The following PTK2 variants were observed in gnomAD, a reference collection of about 807,000 sequenced individuals.
PTK2 encodes the protein focal adhesion kinase 1.
In PTK2, 45 loss-of-function variants were observed where a neutral mutation model predicts 150.1. The observed-to-expected ratio is 0.30, with a 90% CI of 0.24 to 0.38. PTK2 has a LOEUF of 0.38. Ranked by LOEUF, PTK2 falls within the 10% of genes least tolerant of loss-of-function variation. PTK2 has a pLI of 1.00. For synonymous variants in PTK2, 432 were observed against 449.2 expected (o/e 0.96, Z 0.48); for missense variants, 919 against 1,307.3 (o/e 0.70, Z 4.58).
In PTK2 at chr8:140,789,466, C is replaced by G. The variant is rs751479149; in HGVS notation, c.1177+8G>C. The stretch of plus-strand genomic sequence containing the variant: ...GCTTTTCGAGGTCTGCTACCTAGAG[C>G]CCCTTACCTGACACAGAGACGGCGT... On this transcript the variant is annotated splice_region_variant and intron_variant, in intron 14 of 31. Coordinates refer to ENST00000522684, the Ensembl canonical transcript of PTK2. 3 of 1,613,110 alleles carry G rather than the reference C, an allele frequency of 1.9e-6. No individual in the cohort carries two copies. Among genetic ancestry groups the G allele is most frequent in the Admixed American group, 1.7e-5 (1 of 59,722 alleles).
chr8:140,851,577 G>A (rs182694279), intron 5 of PTK2, among the ~76,000 whole-genome samples: 1 of 152,038 alleles, frequency 6.6e-6, no homozygotes, highest in Non-Finnish European at 1.5e-5. Context: ...TAAATGAAGG[G>A]GCCAGGCATG....
chr8:140,977,380 T>C (rs1193929352), intron 1 of PTK2, among the ~76,000 whole-genome samples: 1 of 152,120 alleles, frequency 6.6e-6, no homozygotes, highest in Non-Finnish European at 1.5e-5. Flanking sequence ...TCCCAGCACT[T>C]TGGGAGGCCA....
chr8:140,793,259 A>G, intron 13 of PTK2, 95 bp downstream of exon 13: 2 of 1,384,434 alleles, frequency 1.4e-6, no homozygotes, highest in Admixed American at 4.5e-5. Flanking sequence ...TGTATATTGA[A>G]TTTAATTTTT....
At chr8:140,706,253 A>C in intron 23 of PTK2, 48 bp from the exon 27 acceptor site, 1 of 1,392,590 alleles carries the variant, frequency 7.2e-7, no homozygotes, top group Non-Finnish European at 1.0e-6. Context: ...TGATTTTGAC[A>C]AACCTGTACT....
rs564097460 is a variant in PTK2, at chr8:140,946,154, A to T, written c.-121-20405T>A. ...CTTGACTGCATGGAAACTAATTGAGAGGCCCTACTTACAGAGCTGTCAGAG... is the reference window on the plus strand; with the variant it reads ...CTTGACTGCATGGAAACTAATTGAGTGGCCCTACTTACAGAGCTGTCAGAG... On this transcript the variant is annotated intron_variant, in intron 1 of 31. Transcript: ENST00000522684. 9.2e-5 allele frequency among the ~76,000 whole-genome samples: 14 copies of T among 152,296 alleles called. No homozygotes were observed. In the South Asian group the frequency reaches 2.9e-3, roughly 32 times the overall value.
intron 12 of PTK2, among the ~76,000 whole-genome samples, chr8:140,795,443 T>C (rs1424863400): frequency 6.6e-6 from 1 of 152,200 alleles, no homozygotes; most frequent in Admixed American, 6.5e-5. Flanking sequence ...CAGATATCCT[T>C]GTAGGTTCTG....
At chr8:140,839,876 CATGA>C (rs1165888595) in intron 7 of PTK2, among the ~76,000 whole-genome samples, 1 of 151,944 alleles carries the variant, frequency 6.6e-6, no homozygotes, top group Non-Finnish European at 1.5e-5. Context: ...AAGCACAAGA[CATGA>C]ATAAAACTAG....
chr8:140,838,296 A>C (rs2100120044), intron 7 of PTK2, among the ~76,000 whole-genome samples: 1 of 152,180 alleles, frequency 6.6e-6, no homozygotes, highest in Admixed American at 6.5e-5. Context: ...AATGGCTCCA[A>C]GTTACTAGCC....
chr8:140,732,715 C>A, intron 22 of PTK2: 1 of 369,124 alleles, frequency 2.7e-6, no homozygotes, highest in Non-Finnish European at 5.5e-6. Context: ...AGGTGCTCAA[C>A]AGTGTTTATC....
intron 3 of PTK2, among the ~76,000 whole-genome samples, chr8:140,885,703 G>A (rs2100152007): frequency 1.3e-5 from 2 of 152,124 alleles, no homozygotes. Context: ...GAAATGGGGA[G>A]CTCTTGGGGG....
chr8:140,661,823 G>C (rs757294944), intron 31 of PTK2, among the ~76,000 whole-genome samples: 29 of 152,200 alleles, frequency 1.9e-4, no homozygotes, highest in Non-Finnish European at 3.1e-4. Flanking sequence ...TTACAGCAGA[G>C]AGAGTTCCAA....
intron 1 of PTK2, among the ~76,000 whole-genome samples, chr8:140,996,074 T>TAAAAC (rs200730309): frequency 8.9e-4 from 135 of 151,760 alleles, no homozygotes; most frequent in East Asian, 5.2e-3. Context: ...CTGTGTCTCT[T>TAAAAC]AAAACAAAAC....
At chr8:140,726,204 T>C (rs939284309) in intron 22 of PTK2, among the ~76,000 whole-genome samples, 5 of 151,320 alleles carry the variant, frequency 3.3e-5, no homozygotes, top group Non-Finnish European at 7.4e-5. Context: ...AGGTCAGGAA[T>C]GGGGAGAGGA....
At chr8:140,842,496 T>C (rs1567371540) in intron 7 of PTK2, among the ~76,000 whole-genome samples, 1 of 152,094 alleles carries the variant, frequency 6.6e-6, no homozygotes, top group African/African-American at 2.4e-5. Flanking sequence ...TCTAACTCCT[T>C]ACGACAATCT....
chr8:140,717,621 C>A, exon 23 of PTK2: 1 of 1,613,954 alleles, frequency 6.2e-7, no homozygotes, highest in Non-Finnish European at 8.5e-7. Flanking sequence ...TCATCAGACC[C>A]TCCGGAGTCC....
At chr8:140,846,780 T>C in intron 5 of PTK2, 102 bp from the exon 6 acceptor site, 1 of 757,334 alleles carries the variant, frequency 1.3e-6, no homozygotes, top group East Asian at 2.7e-5. Flanking sequence ...ATAGTTTACA[T>C]TATGTCGGTA....
chr8:140,926,211 A>G lies in PTK2; in HGVS notation c.-121-462T>C, dbSNP rs144977924. Reference sequence around the variant, plus strand: ...TCTCAATTAATACTTTAAATAACCAATAACATAGATGATATTACAATCCAT... The same window carrying G: ...TCTCAATTAATACTTTAAATAACCAGTAACATAGATGATATTACAATCCAT... On this transcript the variant is annotated intron_variant, in intron 1 of 31. Transcript: ENST00000522684. Among the ~76,000 whole-genome samples, 88 of 152,364 alleles carry G rather than the reference A, an allele frequency of 5.8e-4. 1 individual carries two copies. The East Asian group carries it at 0.016, about 27-fold the overall frequency.
intron 10 of PTK2, among the ~76,000 whole-genome samples, chr8:140,811,318 A>G (rs2100101416): frequency 6.6e-6 from 1 of 152,170 alleles, no homozygotes; most frequent in South Asian, 2.1e-4. Flanking sequence ...GTCCCCTAAA[A>G]TATTCCAGAA....
chr8:140,975,891 T>A (rs1320897974), intron 1 of PTK2, among the ~76,000 whole-genome samples: 1 of 152,202 alleles, frequency 6.6e-6, no homozygotes, highest in Non-Finnish European at 1.5e-5. Context: ...CAGTATTTTT[T>A]AAATGGCGAA....
Sources: allele counts gnomAD v4.1 joint callset (sites outside exome capture counted in the v4.1 genomes callset), GRCh38; gene constraint gnomAD v4.1.1; transcripts MANE v1.5; gene names NCBI Gene and HGNC (gene_info 2026-07-23, HGNC 2026-07-21).